ADM: variants seen among roughly 807,000 people sequenced by gnomAD.
ADM encodes the protein adrenomedullin, also known as pro-adrenomedullin.
In ADM, 4 loss-of-function variants were observed where a neutral mutation model predicts 9.0. That is an observed-to-expected ratio of 0.44 (90% CI 0.22 to 1.02). ADM has a LOEUF of 1.02. ADM is among the 50% of genes least tolerant of loss of function. The pLI, the probability that ADM is intolerant of heterozygous loss-of-function variation, is 0.24. For missense variants in ADM, 253 were observed against 254.1 expected (o/e 1.00, Z 0.03); for synonymous variants, 107 against 107.2 (o/e 1.00, Z 0.01).
chr11:10,307,216 G>A lies in ADM; in HGVS notation c.*575G>A, dbSNP rs953080044. 6.6e-6 allele frequency: 1 copy of A among 152,544 alleles called. No individual in the cohort carries two copies. Among genetic ancestry groups the A allele is most frequent in the African/African-American group, 2.4e-5 (1 of 41,416 alleles). The allele number at this position is 152,544 out of a possible 1,614,324, so 9.4% of individuals were successfully genotyped here. A position where few individuals can be genotyped will look rare whatever the true frequency, so the allele number is the denominator to read the frequency against. ...ATATTGTCCTCCCCTATTTTAAGAC[G>A]TGAATGTCTCAGCGAGGTGTAAAGT... On this transcript the variant is annotated 3_prime_UTR_variant, in exon 4 of 4. Coordinates refer to ENST00000278175, the MANE Select transcript of ADM (RefSeq NM_001124.3). This position sits in a 1 kb window ranked among gnomAD's most constrained non-coding sequence, Gnocchi z 4.5.
chr11:10,306,279 C>A, intron 3 of ADM, 53 bp from the exon 4 acceptor site: 1 of 1,589,962 alleles, frequency 6.3e-7, no homozygotes, highest in Non-Finnish European at 8.6e-7. Context: ...GGGGCCAAAG[C>A]TCTGCTTGAT....
Position 10,306,108 on chromosome 11 carries a change from C to T in ADM, c.248+10C>T. On this transcript the variant is annotated intron_variant, in intron 3 of 3. Transcript: ENST00000278175. ...GAAGCCCCGAAGACAGGTAACTACGCCCTGTGCTGTCCAGGGACGGGAGGG... is the reference window on the plus strand; with the variant it reads ...GAAGCCCCGAAGACAGGTAACTACGTCCTGTGCTGTCCAGGGACGGGAGGG... 1 of 1,613,550 alleles carries T rather than the reference C, an allele frequency of 6.2e-7. No homozygotes were observed. Among genetic ancestry groups the T allele is most frequent in the Non-Finnish European group, 8.5e-7 (1 of 1,179,906 alleles).
Position 10,305,699 on chromosome 11 carries a change from G to C in ADM, c.-2G>C, listed in dbSNP as rs1263168944. ...TTCCAGGGTCTGCGCTTCGCAGCCG[G>C]GATGAAGCTGGTTTCCGTCGCCCTG... is the stretch of plus-strand genomic sequence containing the variant. On this transcript the variant is annotated 5_prime_UTR_variant, in exon 2 of 4. Coordinates refer to ENST00000278175, the MANE Select transcript of ADM (RefSeq NM_001124.3). 1.2e-6 allele frequency: 2 copies of C among 1,613,736 alleles called. No individual in the cohort carries two copies.
chr11:10,305,662 C>CT lies in ADM; in HGVS notation c.-21-17dup, dbSNP rs746292742. 1.4e-5 allele frequency: 23 copies of CT among 1,604,910 alleles called. No homozygotes were observed. In the South Asian group the frequency reaches 2.5e-4, roughly 18 times the overall value. ...CTGGCCCGGGTGCTCACGCTCGACTCTCTTTCTTCTTTTCCAGGGTCTGCG... is the reference window on the plus strand; with the variant it reads ...CTGGCCCGGGTGCTCACGCTCGACTCTTCTTTCTTCTTTTCCAGGGTCTGCG... On this transcript the variant is annotated splice_polypyrimidine_tract_variant and intron_variant, in intron 1 of 3. Coordinates refer to ENST00000278175, the MANE Select transcript of ADM (RefSeq NM_001124.3).
At chr11:10,305,551 T>TAAGCTCAG in intron 1 of ADM, 129 bp from the exon 2 acceptor site, 1 of 727,222 alleles carries the variant, frequency 1.4e-6, no homozygotes, top group Non-Finnish European at 2.2e-6. Flanking sequence ...CGGAGGGAGA[T>TAAGCTCAG]AAGCGTCTGA....
rs893600937 is a variant in ADM, at chr11:10,306,726, G to A, written c.*85G>A. On this transcript the variant is annotated 3_prime_UTR_variant, in exon 4 of 4. Transcript: ENST00000278175. ...GACGAAGGACTTCCCGAGCGGTGTG[G>A]GGACCGGGCTCTGACAGCCCTGCGG... 3.6e-6 allele frequency: 5 copies of A among 1,393,320 alleles called. No homozygotes were observed. Among genetic ancestry groups the A allele is most frequent in the South Asian group, 3.1e-5 (2 of 65,488 alleles). 86.3% of individuals were successfully genotyped at this position (1,393,320 alleles called of 1,614,324 possible).
In ADM at chr11:10,306,603, C is replaced by T. The variant is rs781336657; in HGVS notation, c.520C>T (p.Pro174Ser). 3 of 1,575,406 alleles carry T rather than the reference C, an allele frequency of 1.9e-6. No individual in the cohort carries two copies. Among genetic ancestry groups the T allele is most frequent in the Admixed American group, 1.9e-5 (1 of 51,674 alleles). ...VSSKPQAHGAPAPPSGSAPHF... is the reference protein window; with the variant it reads ...VSSKPQAHGASAPPSGSAPHF... ...TTCTAAGCCACAAGCACACGGGGCT[C>T]CAGCCCCCCCGAGTGGAAGTGCTCC... Residue 174 changes from proline (P) to serine (S), a missense_variant, in exon 4 of 4, where the codon CCA (proline) becomes TCA (serine). Pro to Ser is a moderately conservative substitution (Grantham distance 74, BLOSUM62 -1). Coordinates refer to ENST00000278175, the MANE Select transcript of ADM (RefSeq NM_001124.3).
chr11:10,305,594 C>A, intron 1 of ADM, 86 bp from the exon 2 acceptor site: 1 of 1,197,862 alleles, frequency 8.3e-7, no homozygotes, highest in Non-Finnish European at 1.2e-6. Context: ...CCCGCCTCGC[C>A]GGGGCCCCTG....
At position 10,305,294 on chromosome 11, in the gene ADM, A is replaced by C. The variant is rs13306112; in HGVS notation, c.-22+65A>C. 9.9e-3 allele frequency: 1,905 copies of C among 193,154 alleles called. 35 individuals are homozygous for C. Among genetic ancestry groups the C allele is most frequent in the African/African-American group, 0.032 (1,345 of 42,028 alleles). The allele number at this position is 193,154 out of a possible 1,614,324, so 12.0% of individuals were successfully genotyped here. The stretch of plus-strand genomic sequence containing the variant: ...GGGGCAGTGCTTGCCAAGGCCCTAA[A>C]CTGGGAGCGCTGGGTGAGGGGAACA... On this transcript the variant is annotated intron_variant, in intron 1 of 3. Coordinates refer to ENST00000278175, the MANE Select transcript of ADM (RefSeq NM_001124.3).
rs1161097911 is a variant in ADM, at chr11:10,305,782, T to A, written c.82T>A (p.Ser28Thr). 1 of 1,614,002 alleles carries A rather than the reference T, an allele frequency of 6.2e-7. No individual in the cohort carries two copies. The highest frequency in any genetic ancestry group is 1.1e-5 in the South Asian group (1 of 91,088). ...TGACACCGCTCGGTTGGATGTCGCG[T>A]CGGAGTTTCGAAAGAAGTGAGTCCG... ...GADTARLDVA[S>T]EFRKKWNKWA... is the part of the protein sequence containing the mutation. The change falls in exon 2 of 4, where the codon TCG (serine) becomes ACG (threonine). Residue 28 changes from serine (S) to threonine (T), a missense_variant. By Grantham distance (58) the Ser-to-Thr change is moderately conservative. Coordinates refer to ENST00000278175, the MANE Select transcript of ADM (RefSeq NM_001124.3).
chr11:10,305,540 G>C, intron 1 of ADM, 140 bp from the exon 2 acceptor site: 1 of 688,136 alleles, frequency 1.5e-6, no homozygotes, highest in Non-Finnish European at 2.4e-6. Context: ...GCCTCTCTGC[G>C]CGGAGGGAGA....
intron 2 of ADM, 26 bp downstream of exon 2, chr11:10,305,824 T>G (rs754035807): frequency 6.2e-7 from 1 of 1,613,632 alleles, no homozygotes; most frequent in South Asian, 1.1e-5. Context: ...GCCTTCCCCC[T>G]TGCTGGTACC....
At position 10,306,431 on chromosome 11, in the gene ADM, G is replaced by A. The variant is rs367972567; in HGVS notation, c.348G>A (p.Thr116=). 4.3e-6 allele frequency: 7 copies of A among 1,612,590 alleles called. No individual in the cohort carries two copies. Among genetic ancestry groups the A allele is most frequent in the East Asian group, 4.5e-5 (2 of 44,698 alleles). ...RSFGCRFGTC[T]VQKLAHQIYQ... is the part of the protein sequence containing the mutation. The stretch of plus-strand genomic sequence containing the variant: ...TTGGCTGCCGCTTCGGGACGTGCAC[G>A]GTGCAGAAGCTGGCACACCAGATCT... Residue 116 remains threonine (T), a synonymous_variant, in exon 4 of 4, where the codon ACG becomes ACA. Coordinates refer to ENST00000278175, the MANE Select transcript of ADM (RefSeq NM_001124.3).
chr11:10,306,304 C>T (rs1245609623), intron 3 of ADM, 28 bp from the exon 4 acceptor site: 1 of 1,452,810 alleles, frequency 6.9e-7, no homozygotes, highest in Non-Finnish European at 9.6e-7. Flanking sequence ...TCTCAAGTTG[C>T]CTTTCTTCCC....
In ADM at chr11:10,306,369, C is replaced by A; in HGVS notation, c.286C>A (p.Arg96Ser). The change falls in exon 4 of 4, where the codon CGC becomes AGC. Residue 96 changes from arginine (R) to serine (S), a missense_variant. Coordinates refer to ENST00000278175, the MANE Select transcript of ADM (RefSeq NM_001124.3). ...CGCCCGCATCCGAGTCAAGCGCTAC[C>A]GCCAGAGCATGAACAACTTCCAGGG... ...DAARIRVKRYRQSMNNFQGLR... is the reference protein window; with the variant it reads ...DAARIRVKRYSQSMNNFQGLR... The A allele has an allele frequency of 6.2e-7, 1 of 1,612,596 alleles. No homozygotes were observed. Among genetic ancestry groups the A allele is most frequent in the Non-Finnish European group, 8.5e-7 (1 of 1,179,716 alleles).
rs1413964135 is a variant in ADM at position 10,306,482 on chromosome 11, C to T, written c.399C>T (p.Asp133=). 1 of 1,613,514 alleles carries T rather than the reference C, an allele frequency of 6.2e-7. No individual in the cohort carries two copies. The highest frequency in any genetic ancestry group is 1.3e-5 in the African/African-American group (1 of 74,834). Residue 133 remains aspartate (D), a synonymous_variant, in exon 4 of 4, where the codon GAC becomes GAT. Coordinates refer to ENST00000278175, the MANE Select transcript of ADM (RefSeq NM_001124.3). The part of the protein sequence containing the change: ...QIYQFTDKDK[D]NVAPRSKISP... ...ACCAGTTCACAGATAAGGACAAGGA[C>T]AACGTCGCCCCCAGGAGCAAGATCA...
Position 10,306,590 on chromosome 11 carries a change from A to G in ADM, c.507A>G (p.Gln169=). ...PGRTLVSSKP[Q]AHGAPAPPSG... is the part of the protein sequence containing the mutation. The stretch of plus-strand genomic sequence containing the variant: ...GGACTCTGGTGTCTTCTAAGCCACA[A>G]GCACACGGGGCTCCAGCCCCCCCGA... Residue 169 remains glutamine (Q), a synonymous_variant, in exon 4 of 4, where the codon CAA becomes CAG. Transcript: ENST00000278175. 1 of 1,598,406 alleles carries G rather than the reference A, an allele frequency of 6.3e-7. No individual in the cohort carries two copies. The highest frequency in any genetic ancestry group is 8.5e-7 in the Non-Finnish European group (1 of 1,172,774).
Position 10,306,787 on chromosome 11 carries a change from G to A in ADM, c.*146G>A, listed in dbSNP as rs571734375. On this transcript the variant is annotated 3_prime_UTR_variant, in exon 4 of 4. Coordinates refer to ENST00000278175, the MANE Select transcript of ADM (RefSeq NM_001124.3). Reference sequence around the variant, plus strand: ...TCCGGGAGGCACCGTCCGGCGGCGAGCTCTGGCTTTGCAAGGGCCCCTCCT... The same window carrying A: ...TCCGGGAGGCACCGTCCGGCGGCGAACTCTGGCTTTGCAAGGGCCCCTCCT... 5.7e-5 allele frequency: 46 copies of A among 804,228 alleles called. No individual in the cohort carries two copies. The highest frequency in any genetic ancestry group is 5.1e-4 in the African/African-American group (28 of 55,426). The allele number at this position is 804,228 out of a possible 1,614,324, so 49.8% of individuals were successfully genotyped here. A position where few individuals can be genotyped will look rare whatever the true frequency, so the allele number is the denominator to read the frequency against.
At position 10,305,916 on chromosome 11, in the gene ADM, C is replaced by T. The variant is rs375004986; in HGVS notation, c.99-33C>T. 5.0e-6 allele frequency: 8 copies of T among 1,612,740 alleles called. No individual in the cohort carries two copies. The African/African-American group carries it at 9.3e-5, about 19-fold the overall frequency. On this transcript the variant is annotated intron_variant, in intron 2 of 3. Transcript: ENST00000278175. Reference sequence around the variant, plus strand: ...GGGACAGGCCTGGGCGTCACCTGAACGCACGCGAATCGGGTCTGCTTGTGT... The same window carrying T: ...GGGACAGGCCTGGGCGTCACCTGAATGCACGCGAATCGGGTCTGCTTGTGT...
Sources: allele counts gnomAD v4.1 joint callset, GRCh38; gene constraint gnomAD v4.1.1; non-coding constraint Gnocchi (gnomAD v3.1); transcripts MANE v1.5; gene names NCBI Gene and HGNC (gene_info 2026-07-23, HGNC 2026-07-21).